The following ICE1 variants were observed in gnomAD, a reference collection of about 807,000 sequenced individuals.
ICE1 encodes the protein little elongation complex subunit 1.
ICE1 carries 64 observed loss-of-function variants against 192.7 expected under a neutral mutation model. The ratio of observed to expected loss-of-function variants is 0.33; its 90% CI spans 0.27 to 0.41. The LOEUF is 0.41. Ranked by LOEUF, ICE1 falls within the 10% of genes least tolerant of loss-of-function variation. The pLI is 1.00. For synonymous variants in ICE1, 1,010 were observed against 984.5 expected (o/e 1.03, Z -0.49); for missense variants, 2,708 against 2,696.0 (o/e 1.00, Z -0.10).
chr5:5,431,390 A>G (rs755845462), intron 1 of ICE1, among the ~76,000 whole-genome samples: 3 of 152,076 alleles, frequency 2.0e-5, no homozygotes, highest in Non-Finnish European at 2.9e-5. Flanking sequence ...TTTGGGGCCT[A>G]CTGTCATCTG....
chr5:5,451,513 C>G (rs759287524), intron 10 of ICE1, among the ~76,000 whole-genome samples: 1 of 151,962 alleles, frequency 6.6e-6, no homozygotes, highest in African/African-American at 2.4e-5. Flanking sequence ...AAAAACAGCA[C>G]CAGGATTGAG....
In ICE1 at chr5:5,460,663, G is replaced by C; in HGVS notation, c.1329G>C (p.Glu443Asp). The change falls in exon 13 of 19, where the codon GAG becomes GAC. Residue 443 changes from glutamate (E) to aspartate (D), a missense_variant. By Grantham distance (45) the Glu-to-Asp change is conservative. Transcript: ENST00000296564. ...ATAAAGTGACAACTTCTGGACTCGA[G>C]ACTTTCACAGCAACACTGAGAGAAT... ...EVNKVTTSGL[E>D]TFTATLRESS... The C allele has an allele frequency of 6.2e-7, 1 of 1,613,944 alleles. No individual in the cohort carries two copies. The highest frequency in any genetic ancestry group is 1.7e-5 in the Admixed American group (1 of 60,020).
At chr5:5,468,542 C>T (rs932963366) in intron 14 of ICE1, among the ~76,000 whole-genome samples, 1 of 152,188 alleles carries the variant, frequency 6.6e-6, no homozygotes, top group African/African-American at 2.4e-5. Flanking sequence ...TGCATAAAAA[C>T]CTATGTAATG....
At chr5:5,444,606 TGAAA>T (rs1401831556) in intron 7 of ICE1, among the ~76,000 whole-genome samples, 1 of 152,234 alleles carries the variant, frequency 6.6e-6, no homozygotes, top group East Asian at 1.9e-4. Flanking sequence ...CAGTAATTAA[TGAAA>T]GAATTTAATT....
At chr5:5,474,688 A>G (rs943219283) in intron 16 of ICE1, among the ~76,000 whole-genome samples, 2 of 152,166 alleles carry the variant, frequency 1.3e-5, no homozygotes, top group Non-Finnish European at 2.9e-5. Flanking sequence ...TTTCTTGTGG[A>G]ACCCTGGCTG....
rs1033873135 is a variant in ICE1 at position 5,422,718 on chromosome 5, T to C, written c.-198T>C. On this transcript the variant is annotated 5_prime_UTR_variant, in exon 1 of 19. Transcript: ENST00000296564. ...GGGGGCCGCGCCGGGTAGCGTTTCT[T>C]TTTAGTGCCTGAGGCAGCTCTGGCT... The C allele has an allele frequency of 2.7e-4, 95 of 355,568 alleles. No homozygotes were observed. Among genetic ancestry groups the C allele is most frequent in the South Asian group, 1.9e-3 (13 of 6,808 alleles). 22.0% of individuals were successfully genotyped at this position (355,568 alleles called of 1,614,324 possible). A position where few individuals can be genotyped will look rare whatever the true frequency, so the allele number is the denominator to read the frequency against.
At chr5:5,428,170 C>T (rs1046885786) in intron 1 of ICE1, among the ~76,000 whole-genome samples, 5 of 152,078 alleles carry the variant, frequency 3.3e-5, no homozygotes, top group Non-Finnish European at 7.4e-5. Context: ...TCCCAGCACC[C>T]AGAAGCCACT....
intron 2 of ICE1, 96 bp downstream of exon 2, chr5:5,436,572 A>G (rs1561074907): frequency 1.6e-6 from 1 of 606,158 alleles, no homozygotes; most frequent in Non-Finnish European, 2.7e-6. Flanking sequence ...TGGAATGAAC[A>G]CTAGAGTTTC....
Position 5,462,259 on chromosome 5 carries a change from T to G in ICE1, c.2925T>G (p.Ala975=), listed in dbSNP as rs1176373638. ...AAAACCAAGACATTGTGAGAGAAGCTGCAGTGCAGGGAGATGGGCAGAAGC... is the reference window on the plus strand; with the variant it reads ...AAAACCAAGACATTGTGAGAGAAGCGGCAGTGCAGGGAGATGGGCAGAAGC... ...LIQNQDIVRE[A]AVQGDGQKQR... The change falls in exon 13 of 19, where the codon GCT becomes GCG. Residue 975 remains alanine, a synonymous_variant. Coordinates refer to ENST00000296564, the MANE Select transcript of ICE1 (RefSeq NM_015325.3). 1.9e-6 allele frequency: 3 copies of G among 1,612,754 alleles called. No homozygotes were observed. The Admixed American group carries it at 5.0e-5, about 27-fold the overall frequency.
intron 1 of ICE1, among the ~76,000 whole-genome samples, chr5:5,428,855 A>C (rs1445135518): frequency 6.6e-6 from 1 of 152,246 alleles, no homozygotes; most frequent in Middle Eastern, 3.2e-3. Context: ...AAGTTTAAAC[A>C]GCAGAGCCTT....
intron 10 of ICE1, 144 bp from the exon 11 acceptor site, chr5:5,454,408 T>C (rs1738526874): frequency 3.6e-6 from 2 of 553,086 alleles, no homozygotes; most frequent in Non-Finnish European, 6.6e-6. Context: ...TAACTGACTG[T>C]ATTGTGCACA....
rs764928900 is a variant in ICE1 at position 5,463,140 on chromosome 5, A to C, written c.3806A>C (p.Glu1269Ala). ...LSEVLTKIRQ[E>A]LQTNSEDCNG... ...GAGGTTCTGACCAAGATTAGGCAAGAACTTCAAACAAATTCTGAAGATTGC... is the reference window on the plus strand; with the variant it reads ...GAGGTTCTGACCAAGATTAGGCAAGCACTTCAAACAAATTCTGAAGATTGC... Residue 1269 changes from glutamate to alanine, a missense_variant, in exon 13 of 19, where the codon GAA becomes GCA. Transcript: ENST00000296564. 2.4e-5 allele frequency: 38 copies of C among 1,612,764 alleles called. No individual in the cohort carries two copies. Among genetic ancestry groups the C allele is most frequent in the Non-Finnish European group, 3.1e-5 (37 of 1,179,498 alleles).
intron 17 of ICE1, among the ~76,000 whole-genome samples, chr5:5,479,409 GT>G (rs1208770622): frequency 6.6e-6 from 1 of 152,194 alleles, no homozygotes; most frequent in Non-Finnish European, 1.5e-5. Flanking sequence ...TCTCACACTA[GT>G]TAGGATGGTG....
At chr5:5,425,243 C>G (rs1455743270) in intron 1 of ICE1, among the ~76,000 whole-genome samples, 1 of 152,112 alleles carries the variant, frequency 6.6e-6, no homozygotes, top group African/African-American at 2.4e-5. Flanking sequence ...TTCCTTCTAC[C>G]CTTGCCACAT....
In ICE1 at chr5:5,463,277, G is replaced by C; in HGVS notation, c.3943G>C (p.Ala1315Pro). ...GGAAACGACTGGCTCCTCATCACAT[G>C]CTTCAGAACCAACCCCACAAGCAGC... is the stretch of plus-strand genomic sequence containing the variant. ...FRETTGSSSH[A>P]SEPTPQAAAL... Residue 1315 changes from alanine to proline, a missense_variant, in exon 13 of 19, where the codon GCT becomes CCT. Ala to Pro is a conservative substitution (Grantham distance 27, BLOSUM62 -1). This residue lies in a region of ICE1 where 2,366 missense variants were observed against 2,276.6 expected (regional missense o/e 1.04). Coordinates refer to ENST00000296564, the MANE Select transcript of ICE1 (RefSeq NM_015325.3). 6.2e-7 allele frequency: 1 copy of C among 1,613,510 alleles called. No individual in the cohort carries two copies. Among genetic ancestry groups the C allele is most frequent in the Non-Finnish European group, 8.5e-7 (1 of 1,179,746 alleles).
intron 17 of ICE1, among the ~76,000 whole-genome samples, chr5:5,481,350 A>G (rs1739499279): frequency 6.6e-6 from 1 of 152,138 alleles, no homozygotes; most frequent in Admixed American, 6.5e-5. Flanking sequence ...AGAGGAAATA[A>G]GAGTGAAGAC....
At chr5:5,439,986 G>A in intron 4 of ICE1, 73 bp downstream of exon 4, 2 of 1,095,568 alleles carry the variant, frequency 1.8e-6, no homozygotes, top group Non-Finnish European at 2.6e-6. Context: ...ATTTATTGGA[G>A]CAGATTTTTA....
chr5:5,464,083 TG>T lies in ICE1; in HGVS notation c.4750del (p.Ala1584LeufsTer22). 6.2e-7 allele frequency: 1 copy of T among 1,613,630 alleles called. No homozygotes were observed. Among genetic ancestry groups the T allele is most frequent in the Non-Finnish European group, 8.5e-7 (1 of 1,179,900 alleles). On this transcript the variant is annotated frameshift_variant, in exon 13 of 19. Coordinates refer to ENST00000296564, the MANE Select transcript of ICE1 (RefSeq NM_015325.3). LOFTEE classifies it high-confidence loss of function. The surrounding 1 kb of genome is among the most constrained non-coding windows in gnomAD (Gnocchi z 4.0). ...GAGTTGAAACTCATCAGAGTGAAGTTGCTCAGTCATTTTCAGGGGAAAAAGC... is the reference window on the plus strand; with the variant it reads ...GAGTTGAAACTCATCAGAGTGAAGTTCTCAGTCATTTTCAGGGGAAAAAGC... ...SRVETHQSEVAQSFSGEKANT... is the reference protein window; with the variant it reads ...SRVETHQSEVXQSFSGEKANT...
At chr5:5,426,944 T>C (rs559721526) in intron 1 of ICE1, among the ~76,000 whole-genome samples, 3 of 152,228 alleles carry the variant, frequency 2.0e-5, no homozygotes, top group Non-Finnish European at 2.9e-5. Context: ...AAGTGTAACA[T>C]AGGAGTCAGT....
Sources: gnomAD v4.1 joint callset for allele counts (sites outside exome capture counted in the v4.1 genomes callset) on GRCh38, gnomAD v4.1.1 for gene constraint, gnomAD v4.1.1 regional missense constraint, Gnocchi (gnomAD v3.1) non-coding constraint, MANE v1.5 for transcripts, NCBI Gene and HGNC (gene_info 2026-07-23, HGNC 2026-07-21) for gene names.